ZNF84: variants seen among roughly 807,000 people sequenced by gnomAD.
ZNF84 encodes the protein zinc finger protein HPF2.
In ZNF84, 12 loss-of-function variants were observed where a neutral mutation model predicts 14.8. The ratio of observed to expected loss-of-function variants is 0.81; its 90% CI spans 0.52 to 1.31. The LOEUF (loss-of-function observed/expected upper bound fraction) is 1.31. Ranked by LOEUF, ZNF84 falls within the 50% of genes most tolerant of loss-of-function variation. ZNF84 has a pLI of 0.00. For missense variants in ZNF84, 859 were observed against 878.6 expected (o/e 0.98, Z 0.28); for synonymous variants, 347 against 291.1 (o/e 1.19, Z -1.96).
chr12:133,057,480 A>T lies in ZNF84; in HGVS notation c.765A>T (p.Arg255Ser). 1 of 1,614,222 alleles carries T rather than the reference A, an allele frequency of 6.2e-7. No homozygotes were observed. The highest frequency in any genetic ancestry group is 1.7e-5 in the Admixed American group (1 of 60,028). ...AGTCTCAGTTTATTACACATCACAGAACTCATACAGGAGAAAAACCTTATA... is the reference window on the plus strand; with the variant it reads ...AGTCTCAGTTTATTACACATCACAGTACTCATACAGGAGAAAAACCTTATA... The part of the protein sequence containing the change: ...PQKSQFITHH[R>S]THTGEKPYNC... The change falls in exon 5 of 5, where the codon AGA (arginine) becomes AGT (serine). Residue 255 changes from arginine to serine, a missense_variant. Coordinates refer to ENST00000539354, the MANE Select transcript of ZNF84 (RefSeq NM_001289971.2).
intron 2 of ZNF84, among the ~76,000 whole-genome samples, chr12:133,046,097 T>C (rs1953973513): frequency 6.6e-6 from 1 of 152,080 alleles, no homozygotes; most frequent in African/African-American, 2.4e-5. Flanking sequence ...GCTTGTGTTT[T>C]CTTTTTATCT....
At position 133,048,802 on chromosome 12, in the gene ZNF84, A is replaced by G; in HGVS notation, c.192A>G (p.Glu64=). 10 of 1,613,896 alleles carry G rather than the reference A, an allele frequency of 6.2e-6. No homozygotes were observed. The South Asian group carries it at 1.1e-4, about 18-fold the overall frequency. ...TCATCTTCAAATTGGAGCAAGGAGAAGAGCCGTGGGTAGGAGATGGAGAAA... is the reference window on the plus strand; with the variant it reads ...TCATCTTCAAATTGGAGCAAGGAGAGGAGCCGTGGGTAGGAGATGGAGAAA... ...PDVIFKLEQG[E]EPWVGDGEIP... The change falls in exon 4 of 5, where the codon GAA becomes GAG. Residue 64 remains glutamate (E), a synonymous_variant. Coordinates refer to ENST00000539354, the MANE Select transcript of ZNF84 (RefSeq NM_001289971.2).
At chr12:133,050,358 G>GT (rs1393997239) in intron 4 of ZNF84, among the ~76,000 whole-genome samples, 11 of 152,214 alleles carry the variant, frequency 7.2e-5, no homozygotes, top group African/African-American at 2.2e-4. Flanking sequence ...CTCTGCCATA[G>GT]TAAGTATCCA....
intron 1 of ZNF84, 196 bp from the exon 2 acceptor site, chr12:133,041,082 T>A: frequency 4.3e-6 from 1 of 231,012 alleles, no homozygotes; most frequent in Non-Finnish European, 8.4e-6. Flanking sequence ...TTTCTGATAT[T>A]TCCTTATCTG....
intron 2 of ZNF84, among the ~76,000 whole-genome samples, chr12:133,043,777 A>G (rs1953928199): frequency 6.6e-6 from 1 of 151,440 alleles, no homozygotes; most frequent in South Asian, 2.1e-4. Context: ...TTTTTGAGGC[A>G]GAGTCTCACT....
intron 2 of ZNF84, among the ~76,000 whole-genome samples, chr12:133,042,568 T>C (rs1307691575): frequency 6.6e-6 from 1 of 152,214 alleles, no homozygotes; most frequent in Non-Finnish European, 1.5e-5. Flanking sequence ...GGTTTGGTTC[T>C]ATCTGGTTTC....
chr12:133,048,402 T>C (rs1954019779), intron 3 of ZNF84: 1 of 284,690 alleles, frequency 3.5e-6, no homozygotes, highest in Non-Finnish European at 6.7e-6. Flanking sequence ...TCAACTCATT[T>C]AGTCATCAGA....
chr12:133,055,492 A>G (rs1954139041), intron 4 of ZNF84, among the ~76,000 whole-genome samples: 4 of 152,284 alleles, frequency 2.6e-5, no homozygotes, highest in Non-Finnish European at 2.9e-5. Flanking sequence ...CAGTAATACC[A>G]TAATACCCAA....
intron 4 of ZNF84, among the ~76,000 whole-genome samples, chr12:133,056,402 C>T (rs1419582755): frequency 1.3e-5 from 2 of 151,954 alleles, no homozygotes; most frequent in African/African-American, 4.8e-5. Flanking sequence ...TACAGGCGCC[C>T]ACCACCACAC....
chr12:133,057,377 G>A lies in ZNF84; in HGVS notation c.662G>A (p.Ser221Asn). Residue 221 changes from serine to asparagine, a missense_variant, in exon 5 of 5, where the codon AGT (serine) becomes AAT (asparagine). Coordinates refer to ENST00000539354, the MANE Select transcript of ZNF84 (RefSeq NM_001289971.2). Reference protein sequence around the residue: ...ECRKRFSKKPSLIKHQSRHIR... With the variant: ...ECRKRFSKKPNLIKHQSRHIR... ...AGGAAGCGCTTCAGTAAGAAACCAAGTCTCATTAAACATCAGAGCAGACAT... is the reference window on the plus strand; with the variant it reads ...AGGAAGCGCTTCAGTAAGAAACCAAATCTCATTAAACATCAGAGCAGACAT... 4 of 1,614,014 alleles carry A rather than the reference G, an allele frequency of 2.5e-6. No individual in the cohort carries two copies. Among genetic ancestry groups the A allele is most frequent in the South Asian group, 1.1e-5 (1 of 91,066 alleles).
In ZNF84 at chr12:133,048,765, T is replaced by C. The variant is rs1035088851; in HGVS notation, c.155T>C (p.Met52Thr). 2.5e-6 allele frequency: 4 copies of C among 1,613,718 alleles called. No individual in the cohort carries two copies. Among genetic ancestry groups the C allele is most frequent in the South Asian group, 1.1e-5 (1 of 91,064 alleles). ...TTTCCCTTAACAGGGTATGAAGTTATGAAACCAGATGTCATCTTCAAATTG... is the reference window on the plus strand; with the variant it reads ...TTTCCCTTAACAGGGTATGAAGTTACGAAACCAGATGTCATCTTCAAATTG... ...SSLVSLGYEV[M>T]KPDVIFKLEQ... Residue 52 changes from methionine (M) to threonine (T), a missense_variant, in exon 4 of 5, where the codon ATG becomes ACG. By Grantham distance (81) the Met-to-Thr change is moderately conservative. Coordinates refer to ENST00000539354, the MANE Select transcript of ZNF84 (RefSeq NM_001289971.2).
At chr12:133,046,346 A>G (rs1293928923) in intron 2 of ZNF84, among the ~76,000 whole-genome samples, 8 of 103,054 alleles carry the variant, frequency 7.8e-5, no homozygotes, top group African/African-American at 2.8e-4. Context: ...CAGTCCTCAC[A>G]GTTTTTTTTT....
rs1207930917 is a variant in ZNF84, at chr12:133,060,119, GTATATA to G, written c.*1193_*1198del. 2 of 151,862 alleles carry G rather than the reference GTATATA, an allele frequency of 1.3e-5. No homozygotes were observed. The highest frequency in any genetic ancestry group is 4.8e-5 in the African/African-American group (2 of 41,334). The allele number at this position is 151,862 out of a possible 1,614,324, so 9.4% of individuals were successfully genotyped here. A position where few individuals can be genotyped will look rare whatever the true frequency, so the allele number is the denominator to read the frequency against. On this transcript the variant is annotated 3_prime_UTR_variant, in exon 5 of 5. Coordinates refer to ENST00000539354, the MANE Select transcript of ZNF84 (RefSeq NM_001289971.2). The stretch of plus-strand genomic sequence containing the variant: ...TCATTTAGTGAGGTGCCTCCATATA[GTATATA>G]TATATGTATCTTAAGTGATATGTAA...
chr12:133,063,261 A>T lies in ZNF84; in HGVS notation c.*4329A>T. The T allele has an allele frequency of 1.4e-6, 1 of 702,252 alleles. No individual in the cohort carries two copies. The highest frequency in any genetic ancestry group is 2.6e-6 in the Non-Finnish European group (1 of 384,770). 43.5% of individuals were successfully genotyped at this position (702,252 alleles called of 1,614,324 possible). On this transcript the variant is annotated 3_prime_UTR_variant, in exon 5 of 5. Transcript: ENST00000539354. ...CTTGATTGTTGAATTCTTCTGTGAG[A>T]TACTCCAAATATCCTAATAAATTCT... is the stretch of plus-strand genomic sequence containing the variant.
At position 133,053,846 on chromosome 12, in the gene ZNF84, C is replaced by T. The variant is rs371030028; in HGVS notation, c.239-3108C>T. On this transcript the variant is annotated intron_variant, in intron 4 of 4. Coordinates refer to ENST00000539354, the MANE Select transcript of ZNF84 (RefSeq NM_001289971.2). ...AAACACCATAATCTACCAAATTGTTCAAACTCCAAACCTAAGGGTAATTCT... is the reference window on the plus strand; with the variant it reads ...AAACACCATAATCTACCAAATTGTTTAAACTCCAAACCTAAGGGTAATTCT... Among the ~76,000 whole-genome samples, 15 of 152,270 alleles carry T rather than the reference C, an allele frequency of 9.9e-5. No homozygotes were observed. The East Asian group carries it at 2.1e-3, about 22-fold the overall frequency.
rs1954269068 is a variant in ZNF84 at position 133,061,789 on chromosome 12, T to C, written c.*2857T>C. ...TAAATGTCAGGTGTTATGGGGAGGA[T>C]TGATGCTGACAGCAGAGGTCTAGTT... is the stretch of plus-strand genomic sequence containing the variant. On this transcript the variant is annotated 3_prime_UTR_variant, in exon 5 of 5. Coordinates refer to ENST00000539354, the MANE Select transcript of ZNF84 (RefSeq NM_001289971.2). The C allele has an allele frequency of 6.6e-6, 1 of 152,138 alleles. No individual in the cohort carries two copies. The highest frequency in any genetic ancestry group is 6.5e-5 in the Admixed American group (1 of 15,274). The allele number at this position is 152,138 out of a possible 1,614,324, so 9.4% of individuals were successfully genotyped here.
At chr12:133,046,337 A>C (rs1593700558) in intron 2 of ZNF84, among the ~76,000 whole-genome samples, 1 of 135,032 alleles carries the variant, frequency 7.4e-6, no homozygotes, top group Admixed American at 7.5e-5. Context: ...GTATCTCTTC[A>C]GTCCTCACAG....
intron 2 of ZNF84, 117 bp downstream of exon 2, chr12:133,041,599 GA>G: frequency 9.3e-7 from 1 of 1,075,580 alleles, no homozygotes. Flanking sequence ...AGCCTCAGAT[GA>G]TCAGGATTGG....
chr12:133,041,782 C>T (rs1953893566), intron 2 of ZNF84, among the ~76,000 whole-genome samples: 1 of 152,288 alleles, frequency 6.6e-6, no homozygotes, highest in Non-Finnish European at 1.5e-5. Flanking sequence ...CTTTTATATG[C>T]TTTGCATCGT....
Sources: gnomAD v4.1 joint callset for allele counts (sites outside exome capture counted in the v4.1 genomes callset) on GRCh38, gnomAD v4.1.1 for gene constraint, MANE v1.5 for transcripts, NCBI Gene and HGNC (gene_info 2026-07-23, HGNC 2026-07-21) for gene names.